MIER1: variants seen among roughly 807,000 people sequenced by gnomAD.
The protein encoded by MIER1 is mesoderm induction early response protein 1.
A neutral mutation model predicts 75.7 loss-of-function variants in MIER1; 40 were observed. The observed-to-expected ratio is 0.53, with a 90% confidence interval of 0.41 to 0.69. The LOEUF is 0.69. Among genes scored for constraint, MIER1 ranks in the 30% least tolerant of loss-of-function variants. MIER1 has a pLI of 0.00. For synonymous variants in MIER1, 213 were observed against 223.4 expected (o/e 0.95, Z 0.42); for missense variants, 574 against 680.2 (o/e 0.84, Z 1.74).
Position 66,986,438 on chromosome 1 carries a change from G to C in MIER1, c.*1538G>C. ...AATGCTTCTTCCAGTTCATTTTTCA[G>C]CCATCAGTTCAAGAGCCAATGCCTT... On this transcript the variant is annotated 3_prime_UTR_variant, in exon 14 of 14. Coordinates refer to ENST00000401041, the MANE Select transcript of MIER1 (RefSeq NM_001077700.3). 2 of 1,612,578 alleles carry C rather than the reference G, an allele frequency of 1.2e-6. No individual in the cohort carries two copies. The highest frequency in any genetic ancestry group is 2.2e-5 in the South Asian group (2 of 91,032).
At chr1:66,930,098 C>A in intron 2 of MIER1, 1 of 752,194 alleles carries the variant, frequency 1.3e-6, no homozygotes, top group Admixed American at 4.9e-5. Flanking sequence ...CTTGACTCCG[C>A]CCCCTCCGCT....
intron 13 of MIER1, among the ~76,000 whole-genome samples, chr1:66,983,253 C>T (rs1454654282): frequency 6.6e-6 from 1 of 152,162 alleles, no homozygotes; most frequent in Non-Finnish European, 1.5e-5. Context: ...TTATTTTTGA[C>T]CTAATCACAG....
chr1:66,930,714 C>T (rs549037889), intron 2 of MIER1, among the ~76,000 whole-genome samples: 3 of 151,868 alleles, frequency 2.0e-5, no homozygotes, highest in East Asian at 3.9e-4. Flanking sequence ...CTTCGCCGGC[C>T]GGTGCTAGGG....
At chr1:66,938,308 A>G (rs1010622638) in intron 2 of MIER1, among the ~76,000 whole-genome samples, 2 of 152,170 alleles carry the variant, frequency 1.3e-5, no homozygotes, top group Admixed American at 6.5e-5. Context: ...TTTATTCTTC[A>G]GTAACTTGTA....
chr1:66,960,763 C>T (rs914950050), intron 7 of MIER1, among the ~76,000 whole-genome samples: 8 of 152,120 alleles, frequency 5.3e-5, no homozygotes, highest in African/African-American at 1.4e-4. Context: ...TGATGGGACT[C>T]GACAGAAAAC....
At position 66,985,351 on chromosome 1, in the gene MIER1, C is replaced by G; in HGVS notation, c.*451C>G. On this transcript the variant is annotated 3_prime_UTR_variant, in exon 14 of 14. Transcript: ENST00000401041. ...AATTTCTCTGAGTTTCTTGAAATGT[C>G]TTTAAAACAGACATTTTTCTCACCA... 1 of 985,320 alleles carries G rather than the reference C, an allele frequency of 1.0e-6. No homozygotes were observed. Among genetic ancestry groups the G allele is most frequent in the Non-Finnish European group, 1.2e-6 (1 of 829,764 alleles). 61.0% of individuals were successfully genotyped at this position (985,320 alleles called of 1,614,324 possible). A position where few individuals can be genotyped will look rare whatever the true frequency, so the allele number is the denominator to read the frequency against.
At chr1:66,945,722 T>G (rs1657470031) in intron 3 of MIER1, among the ~76,000 whole-genome samples, 1 of 152,060 alleles carries the variant, frequency 6.6e-6, no homozygotes, top group Non-Finnish European at 1.5e-5. Flanking sequence ...AAAAATTAGC[T>G]GTGTGTTGTG....
intron 8 of MIER1, among the ~76,000 whole-genome samples, chr1:66,966,205 GC>G (rs1225371824): frequency 6.6e-6 from 1 of 151,978 alleles, no homozygotes. Context: ...CCCACGACAG[GC>G]CCCGGTGTGT....
chr1:66,942,133 C>T (rs1190007908), intron 3 of MIER1, among the ~76,000 whole-genome samples: 1 of 152,060 alleles, frequency 6.6e-6, no homozygotes, highest in Admixed American at 6.5e-5. Flanking sequence ...GTTTATTGTT[C>T]TTATAAATAA....
intron 4 of MIER1, among the ~76,000 whole-genome samples, chr1:66,954,012 A>G (rs1659577664): frequency 6.6e-6 from 1 of 152,224 alleles, no homozygotes; most frequent in Non-Finnish European, 1.5e-5. Context: ...GGTATATGAA[A>G]GTGTAGTTGG....
intron 8 of MIER1, among the ~76,000 whole-genome samples, chr1:66,964,448 CTTTTTT>C (rs71058483): frequency 0.76 from 91,702 of 120,000 alleles, 34,303 homozygotes; most frequent in East Asian, 0.85. Context: ...TGTATGTTTC[CTTTTTT>C]TTTTTTTTTT....
intron 13 of MIER1, 45 bp downstream of exon 13, chr1:66,981,963 A>G (rs758159935): frequency 6.2e-7 from 1 of 1,600,532 alleles, no homozygotes; most frequent in African/African-American, 1.3e-5. Flanking sequence ...AATAAGGGAC[A>G]CTTTCTTGCA....
chr1:66,939,878 C>T, intron 2 of MIER1, 150 bp from the exon 3 acceptor site: 1 of 580,146 alleles, frequency 1.7e-6, no homozygotes, highest in South Asian at 2.5e-5. Context: ...TTTAGTTTGT[C>T]TTGGAAAATG....
In MIER1 at chr1:66,958,172, T is replaced by G. The variant is rs772770618; in HGVS notation, c.453T>G (p.Asp151Glu). The G allele has an allele frequency of 6.2e-7, 1 of 1,602,962 alleles. No individual in the cohort carries two copies. The highest frequency in any genetic ancestry group is 8.5e-7 in the Non-Finnish European group (1 of 1,170,034). Residue 151 changes from aspartate to glutamate, a missense_variant, in exon 5 of 14, where the codon GAT (aspartate) becomes GAG (glutamate). Physicochemically the swap from Asp to Glu is conservative, Grantham distance 45. Coordinates refer to ENST00000401041, the MANE Select transcript of MIER1 (RefSeq NM_001077700.3). ...EEEEEEEGED[D>E]EDADNDDNSG... Reference sequence around the variant, plus strand: ...AAGAGGAAGAAGAAGGTGAAGATGATGAAGATGCTGATAATGATGACAACA... The same window carrying G: ...AAGAGGAAGAAGAAGGTGAAGATGAGGAAGATGCTGATAATGATGACAACA...
At position 66,926,202 on chromosome 1, in the gene MIER1, A is replaced by C. The variant is rs769347989; in HGVS notation, c.128A>C (p.Asn43Thr). Residue 43 changes from asparagine (N) to threonine (T), a missense_variant, in exon 2 of 14, where the codon AAC becomes ACC. Asn to Thr is a moderately conservative substitution (Grantham distance 65). Coordinates refer to ENST00000401041, the MANE Select transcript of MIER1 (RefSeq NM_001077700.3). ...LAEFRTWLRTNWLRFNADKTD... is the reference protein window; with the variant it reads ...LAEFRTWLRTTWLRFNADKTD... ...GAGTTTCGGACGTGGTTAAGAACCA[A>C]CTGGTTGAGGTTCAATGCAGACAAG... 1 of 1,613,774 alleles carries C rather than the reference A, an allele frequency of 6.2e-7. No individual in the cohort carries two copies. Among genetic ancestry groups the C allele is most frequent in the African/African-American group, 1.3e-5 (1 of 74,888 alleles).
chr1:66,955,491 A>C (rs1431103087), intron 4 of MIER1, among the ~76,000 whole-genome samples: 1 of 152,000 alleles, frequency 6.6e-6, no homozygotes, highest in African/African-American at 2.4e-5. Context: ...AATCGTAGAG[A>C]GCCTGAGGGC....
rs1351149242 is a variant in MIER1 at position 66,934,186 on chromosome 1, A to G, written c.169-5842A>G. Among the ~76,000 whole-genome samples, 9 of 152,326 alleles carry G rather than the reference A, an allele frequency of 5.9e-5. No homozygotes were observed. The East Asian group carries it at 1.7e-3, about 29-fold the overall frequency. ...AAACATATCCCATGCATTTAGCTGCATACTCCTTAGTAGTGTTAGGTTTCT... is the reference window on the plus strand; with the variant it reads ...AAACATATCCCATGCATTTAGCTGCGTACTCCTTAGTAGTGTTAGGTTTCT... On this transcript the variant is annotated intron_variant, in intron 2 of 13. Coordinates refer to ENST00000401041, the MANE Select transcript of MIER1 (RefSeq NM_001077700.3).
rs142338998 is a variant in MIER1 at position 66,986,215 on chromosome 1, A to G, written c.*1315A>G. 1,784 of 1,259,988 alleles carry G rather than the reference A, an allele frequency of 1.4e-3. 20 individuals carry two copies. The African/African-American group carries it at 0.025, about 17-fold the overall frequency. The allele number at this position is 1,259,988 out of a possible 1,614,324, so 78.1% of individuals were successfully genotyped here. ...TTGATAATGCTTTTCCAAAGTGAAA[A>G]TAAGATACACAATAATCATTGCTCT... On this transcript the variant is annotated 3_prime_UTR_variant, in exon 14 of 14. Transcript: ENST00000401041.
intron 12 of MIER1, among the ~76,000 whole-genome samples, chr1:66,981,446 T>C (rs568182353): frequency 2.6e-4 from 40 of 152,374 alleles, no homozygotes; most frequent in South Asian, 4.1e-4. Context: ...TTTGTACTTT[T>C]ACTAGACATC....
Sources: gnomAD v4.1 joint callset for allele counts (sites outside exome capture counted in the v4.1 genomes callset) on GRCh38, gnomAD v4.1.1 for gene constraint, MANE v1.5 for transcripts, NCBI Gene and HGNC (gene_info 2026-07-23, HGNC 2026-07-21) for gene names.